Variants in DCC observed in about 807,000 individuals in gnomAD.
DCC encodes the protein DCC netrin 1 receptor, also known as netrin receptor DCC.
In DCC, 58 loss-of-function variants were observed where a neutral mutation model predicts 172.5. The observed-to-expected ratio is 0.34, with a 90% confidence interval of 0.27 to 0.42. The LOEUF is 0.42. Among genes scored for constraint, DCC ranks in the 10% least tolerant of loss-of-function variants. The pLI, the probability that DCC is intolerant of heterozygous loss-of-function variation, is 1.00. For synonymous variants in DCC, 709 were observed against 644.5 expected, an observed-to-expected ratio of 1.10 and a Z score of -1.52; for missense variants, 1,740 against 1,791.0, an observed-to-expected ratio of 0.97 and a Z score of 0.51.
At chr18:53,455,507 G>A (rs2045472103) in intron 23 of DCC, among the ~76,000 whole-genome samples, 1 of 152,130 alleles carries the variant, frequency 6.6e-6, no homozygotes, top group East Asian at 1.9e-4. Flanking sequence ...ATAAAGTAAG[G>A]AATGGGTAAA....
Position 52,923,760 on chromosome 18 carries a change from G to A in DCC, c.751G>A (p.Ala251Thr). ...YFLQRPSNVV[A>T]IEGKDAVLEC... is the part of the protein sequence containing the mutation. The stretch of plus-strand genomic sequence containing the variant: ...TCTGCAAAGACCATCCAATGTAGTA[G>A]CCATTGAAGGAAAAGATGCTGTCCT... Residue 251 changes from alanine (A) to threonine (T), a missense_variant, in exon 4 of 29, where the codon GCC (alanine) becomes ACC (threonine). This residue lies in a region of DCC where 1,732 missense variants were observed against 1,767.4 expected (regional missense o/e 0.98). Transcript: ENST00000442544. The A allele has an allele frequency of 1.2e-6, 2 of 1,610,672 alleles. No homozygotes were observed. The highest frequency in any genetic ancestry group is 1.1e-5 in the South Asian group (1 of 91,014).
chr18:53,077,207 A>G (rs961065899), intron 7 of DCC, among the ~76,000 whole-genome samples: 10 of 149,782 alleles, frequency 6.7e-5, no homozygotes, highest in Non-Finnish European at 1.3e-4. Context: ...GTTCACATGT[A>G]TATATATATA....
intron 2 of DCC, among the ~76,000 whole-genome samples, chr18:52,845,090 C>A (rs538725315): frequency 1.4e-3 from 214 of 152,310 alleles, no homozygotes; most frequent in Non-Finnish European, 2.5e-3. Flanking sequence ...AATGAACTCA[C>A]TGAGATGCAT....
intron 12 of DCC, among the ~76,000 whole-genome samples, chr18:53,255,667 G>A (rs12969597): frequency 0.49 from 74,117 of 151,728 alleles, 18,673 homozygotes; most frequent in Non-Finnish European, 0.53. Flanking sequence ...TAGTGCCGCA[G>A]TAAACATACA....
At chr18:53,180,431 A>G (rs1305889297) in intron 9 of DCC, among the ~76,000 whole-genome samples, 1 of 152,152 alleles carries the variant, frequency 6.6e-6, no homozygotes, top group Non-Finnish European at 1.5e-5. Context: ...GTAGGACCCA[A>G]ATAATTTCTG....
At chr18:52,444,004 G>A (rs1988047822) in intron 1 of DCC, among the ~76,000 whole-genome samples, 1 of 152,154 alleles carries the variant, frequency 6.6e-6, no homozygotes, top group Non-Finnish European at 1.5e-5. Context: ...CTGCTGATTG[G>A]CTGAGAGGAA....
chr18:53,476,635 A>C (rs1361924540), intron 25 of DCC, among the ~76,000 whole-genome samples: 2 of 152,134 alleles, frequency 1.3e-5, no homozygotes, highest in Admixed American at 6.5e-5. Flanking sequence ...TAAATTGTGC[A>C]GTCTTGGGTA....
chr18:52,907,161 C>A (rs907689744), intron 3 of DCC, among the ~76,000 whole-genome samples: 13 of 148,762 alleles, frequency 8.7e-5, no homozygotes, highest in African/African-American at 2.7e-4. Context: ...ATACATATAT[C>A]ATATATATCA....
At chr18:53,289,098 C>T (rs2056968499) in intron 12 of DCC, among the ~76,000 whole-genome samples, 1 of 152,024 alleles carries the variant, frequency 6.6e-6, no homozygotes, top group Non-Finnish European at 1.5e-5. Context: ...TCAGCCTTTA[C>T]AGACATTAAT....
intron 12 of DCC, among the ~76,000 whole-genome samples, chr18:53,301,735 G>A (rs2144774149): frequency 6.6e-6 from 1 of 152,032 alleles, no homozygotes; most frequent in Non-Finnish European, 1.5e-5. Context: ...TTTATGTCAG[G>A]ATTTGGTGCT....
chr18:52,517,300 T>C (rs2144659577), intron 1 of DCC, among the ~76,000 whole-genome samples: 1 of 152,362 alleles, frequency 6.6e-6, no homozygotes, highest in Admixed American at 6.5e-5. Flanking sequence ...CGGTGGTATT[T>C]GCCAGTTCAG....
chr18:52,489,359 T>C (rs928613691), intron 1 of DCC, among the ~76,000 whole-genome samples: 1 of 152,122 alleles, frequency 6.6e-6, no homozygotes, highest in Admixed American at 6.6e-5. Context: ...ACAATTATTA[T>C]TACACACTAC....
intron 5 of DCC, among the ~76,000 whole-genome samples, chr18:52,972,517 CTTTT>C (rs34383367): frequency 1.0e-4 from 14 of 138,798 alleles, no homozygotes; most frequent in Admixed American, 2.8e-4. Context: ...AAATTTCTTG[CTTTT>C]TTTTTTTTTT....
chr18:52,774,608 C>T (rs2037396587), intron 2 of DCC, among the ~76,000 whole-genome samples: 1 of 152,196 alleles, frequency 6.6e-6, no homozygotes, highest in African/African-American at 2.4e-5. Flanking sequence ...TTCCCTTGTT[C>T]CCCTCGCAGA....
rs1568192873 is a variant in DCC at position 53,533,347 on chromosome 18, T to C, written c.*2694T>C. 1 of 152,296 alleles carries C rather than the reference T, an allele frequency of 6.6e-6. No individual in the cohort carries two copies. Among genetic ancestry groups the C allele is most frequent in the East Asian group, 1.9e-4 (1 of 5,180 alleles). 9.4% of individuals were successfully genotyped at this position (152,296 alleles called of 1,614,324 possible). On this transcript the variant is annotated 3_prime_UTR_variant, in exon 29 of 29. Coordinates refer to ENST00000442544, the MANE Select transcript of DCC (RefSeq NM_005215.4). ...ACTCTCTCTGATTCCCATTGGGTGATACCTGACAGCCAACCAGCCGCTCTG... is the reference window on the plus strand; with the variant it reads ...ACTCTCTCTGATTCCCATTGGGTGACACCTGACAGCCAACCAGCCGCTCTG...
At chr18:52,541,621 G>T (rs1435396964) in intron 1 of DCC, among the ~76,000 whole-genome samples, 1 of 151,906 alleles carries the variant, frequency 6.6e-6, no homozygotes, top group Non-Finnish European at 1.5e-5. Context: ...TATAAGGTTT[G>T]GGCATGAGTT....
At chr18:53,164,964 T>A (rs1041927408) in intron 8 of DCC, among the ~76,000 whole-genome samples, 2 of 152,170 alleles carry the variant, frequency 1.3e-5, no homozygotes, top group Non-Finnish European at 2.9e-5. Context: ...AGAACTGGGA[T>A]TTCAATGCAA....
chr18:52,996,822 A>C (rs1201794955), intron 5 of DCC, among the ~76,000 whole-genome samples: 1 of 134,580 alleles, frequency 7.4e-6, no homozygotes, highest in African/African-American at 2.8e-5. Context: ...ACACACACAC[A>C]TCTCCCTCTC....
At chr18:53,245,460 A>G (rs903631675) in intron 12 of DCC, among the ~76,000 whole-genome samples, 8 of 152,136 alleles carry the variant, frequency 5.3e-5, no homozygotes, top group Non-Finnish European at 1.0e-4. Flanking sequence ...ATGTGTATCC[A>G]TGAGCTTATG....
Sources: allele counts gnomAD v4.1 joint callset (sites outside exome capture counted in the v4.1 genomes callset), GRCh38; gene constraint gnomAD v4.1.1; regional missense constraint gnomAD v4.1.1; transcripts MANE v1.5; gene names NCBI Gene and HGNC (gene_info 2026-07-23, HGNC 2026-07-21).